The following ENOX2 variants were observed in gnomAD, a reference collection of about 807,000 sequenced individuals.
The protein encoded by ENOX2 is APK1 antigen.
Under a neutral mutation model 45.0 loss-of-function variants are expected in ENOX2, and 36 were observed. The ratio of observed to expected loss-of-function variants is 0.80; its 90% CI spans 0.61 to 1.06. The LOEUF (loss-of-function observed/expected upper bound fraction) is 1.06, where lower values mean the gene tolerates loss of function less well. Among genes scored for constraint, ENOX2 ranks in the 50% least tolerant of loss-of-function variants. The probability of loss-of-function intolerance (pLI) is 0.00; values close to 1 mark genes in which losing one functional copy is unlikely to be tolerated. For synonymous variants in ENOX2, 174 were observed against 152.3 expected, an observed-to-expected ratio of 1.14 and a Z score of -1.05; for missense variants, 423 against 462.5, an observed-to-expected ratio of 0.91 and a Z score of 0.78.
At chrX:130,660,250 T>C (rs2036653088) in intron 9 of ENOX2, among the ~76,000 whole-genome samples, 1 of 111,639 alleles carries the variant, frequency 9.0e-6, no homozygotes, top group Non-Finnish European at 1.9e-5. Context: ...ACGAATGAGA[T>C]AAAAGGTAAA....
intron 9 of ENOX2, among the ~76,000 whole-genome samples, chrX:130,659,103 T>G (rs1293008064): frequency 8.9e-6 from 1 of 112,351 alleles, no homozygotes; most frequent in African/African-American, 3.2e-5. Context: ...TTGCTTGGAT[T>G]AGCCTGTACT....
At chrX:130,709,387 C>T (rs1231753103) in intron 3 of ENOX2, 1 of 825,607 alleles carries the variant, frequency 1.2e-6, no homozygotes, top group Non-Finnish European at 1.8e-6. Context: ...CTTGTAAATC[C>T]CAGCACTTTG....
In ENOX2 at chrX:130,822,893, G is replaced by A. The variant is rs2077644909; in HGVS notation, c.-182-39203C>T. Among the ~76,000 whole-genome samples the A allele has an allele frequency of 2.7e-5, 3 of 112,328 alleles. No individual in the cohort carries two copies. In the Admixed American group the frequency reaches 2.8e-4, roughly 11 times the overall value. ...AAGTGTTCTGAGCACATTTAAAGTA[G>A]TAGGCTAGACTAAGCTGTGATGTTT... On this transcript the variant is annotated intron_variant, in intron 2 of 14. Transcript: ENST00000394363.
At chrX:130,858,618 T>C (rs2078354773) in intron 2 of ENOX2, among the ~76,000 whole-genome samples, 1 of 111,652 alleles carries the variant, frequency 9.0e-6, no homozygotes, top group African/African-American at 3.3e-5. Context: ...ATTGGTATCC[T>C]AGAGAGGTAA....
chrX:130,706,044 TAATTACTTCTTCTG>T (rs753486586), intron 3 of ENOX2, among the ~76,000 whole-genome samples: 1 of 112,369 alleles, frequency 8.9e-6, no homozygotes, highest in African/African-American at 3.2e-5. Context: ...TCATTGGAAT[TAATTACTTCTTCTG>T]ATGTGTTCTC....
At chrX:130,799,192 G>A (rs768719382) in intron 2 of ENOX2, among the ~76,000 whole-genome samples, 9 of 111,569 alleles carry the variant, frequency 8.1e-5, no homozygotes, top group African/African-American at 1.3e-4. Flanking sequence ...AACATGGAAG[G>A]ACTAGACTGG....
At chrX:130,686,849 G>A (rs1214867819) in intron 5 of ENOX2, among the ~76,000 whole-genome samples, 1 of 112,181 alleles carries the variant, frequency 8.9e-6, no homozygotes, top group Non-Finnish European at 1.9e-5. Context: ...TGTGTCAAGA[G>A]TTTTATGTTT....
At chrX:130,695,006 A>G in intron 4 of ENOX2, among the ~76,000 whole-genome samples, 1 of 112,008 alleles carries the variant, frequency 8.9e-6, no homozygotes, top group Middle Eastern at 4.6e-3. Flanking sequence ...TATTTTACAG[A>G]TGAGGAAACT....
rs760105392 is a variant in ENOX2, at chrX:130,752,208, A to G, written c.-39+31339T>C. Among the ~76,000 whole-genome samples the G allele has an allele frequency of 3.9e-5, 4 of 102,774 alleles. No homozygotes were observed. In the East Asian group the frequency reaches 1.2e-3, roughly 31 times the overall value. The allele number at this position is 102,774 out of a possible 115,157, so 89.2% of individuals were successfully genotyped here. A position where few individuals can be genotyped will look rare whatever the true frequency, so the allele number is the denominator to read the frequency against. ...TCTTTCCTTCCTTCCCTCCCTCCCC[A>G]TCTGTTTCCTCTATTTCCCTGCATG... On this transcript the variant is annotated intron_variant, in intron 3 of 14. Transcript: ENST00000394363.
chrX:130,633,576 G>C (rs2035845824), intron 12 of ENOX2, among the ~76,000 whole-genome samples: 4 of 112,641 alleles, frequency 3.6e-5, no homozygotes, highest in Admixed American at 2.8e-4. Flanking sequence ...CTTGCCCTTA[G>C]GCACAATATG....
chrX:130,738,325 C>T (rs917046764), intron 3 of ENOX2, among the ~76,000 whole-genome samples: 2 of 112,034 alleles, frequency 1.8e-5, no homozygotes. Flanking sequence ...GATTAGGCAG[C>T]GTTTCCATTT....
At chrX:130,723,413 T>G (rs906102588) in intron 3 of ENOX2, among the ~76,000 whole-genome samples, 3 of 112,489 alleles carry the variant, frequency 2.7e-5, no homozygotes, top group Non-Finnish European at 5.6e-5. Flanking sequence ...TGTAGCTTTC[T>G]GAATCTGATG....
rs1207487416 is a variant in ENOX2 at position 130,723,601 on chromosome X, T to C, written c.-38-20347A>G. Among the ~76,000 whole-genome samples the C allele has an allele frequency of 2.7e-5, 3 of 112,499 alleles. No homozygotes were observed. In the East Asian group the frequency reaches 8.3e-4, roughly 31 times the overall value. On this transcript the variant is annotated intron_variant, in intron 3 of 14. Coordinates refer to ENST00000394363, the MANE Select transcript of ENOX2 (RefSeq NM_006375.4). ...AGCAATGATCTGTTCTGCATCATTCTGTTTTCAGTACGTTTTTCTTTAAGT... is the reference window on the plus strand; with the variant it reads ...AGCAATGATCTGTTCTGCATCATTCCGTTTTCAGTACGTTTTTCTTTAAGT...
At chrX:130,665,799 T>G (rs2036820072) in intron 8 of ENOX2, 50 bp from the exon 9 acceptor site, 1 of 756,229 alleles carries the variant, frequency 1.3e-6, no homozygotes, top group Non-Finnish European at 2.0e-6. Context: ...CATCCAGGGA[T>G]GGAAAAAGAG....
intron 2 of ENOX2, among the ~76,000 whole-genome samples, chrX:130,823,272 G>A (rs765120918): frequency 2.7e-5 from 3 of 111,828 alleles, no homozygotes; most frequent in Non-Finnish European, 5.6e-5. Flanking sequence ...ATTTTTAAAG[G>A]ATGCTCACCT....
chrX:130,631,407 C>T, intron 13 of ENOX2, 61 bp downstream of exon 13: 2 of 628,175 alleles, frequency 3.2e-6, no homozygotes, highest in Non-Finnish European at 5.4e-6. Context: ...TTAGGTAAAG[C>T]CCTCCTCTCC....
intron 3 of ENOX2, among the ~76,000 whole-genome samples, chrX:130,760,232 G>A (rs1185384584): frequency 9.0e-6 from 1 of 111,055 alleles, no homozygotes; most frequent in African/African-American, 3.3e-5. Context: ...GATTTCTTGG[G>A]ATTTTCTATG....
chrX:130,874,478 A>T (rs1289023122), intron 2 of ENOX2, among the ~76,000 whole-genome samples: 1 of 112,204 alleles, frequency 8.9e-6, no homozygotes, highest in East Asian at 2.8e-4. Flanking sequence ...ATAGCTTAAT[A>T]ACCAAGAAGA....
chrX:130,733,751 A>C (rs2038795161), intron 3 of ENOX2, among the ~76,000 whole-genome samples: 1 of 112,245 alleles, frequency 8.9e-6, no homozygotes, highest in Non-Finnish European at 1.9e-5. Flanking sequence ...AAATTATAGA[A>C]ATGGAGTACA....
Sources: gnomAD v4.1 joint callset for allele counts (sites outside exome capture counted in the v4.1 genomes callset) on GRCh38, gnomAD v4.1.1 for gene constraint, MANE v1.5 for transcripts, NCBI Gene and HGNC (gene_info 2026-07-23, HGNC 2026-07-21) for gene names.